The following BNC2 variants were observed in gnomAD, a reference collection of about 807,000 sequenced individuals.
BNC2 encodes the protein zinc finger protein basonuclin-2.
A neutral mutation model predicts 76.3 loss-of-function variants in BNC2; 20 were observed. The observed-to-expected ratio is 0.26, with a 90% confidence interval of 0.18 to 0.38. The LOEUF (loss-of-function observed/expected upper bound fraction) is 0.38. Among genes scored for constraint, BNC2 ranks in the 10% least tolerant of loss-of-function variants. The pLI, the probability that BNC2 is intolerant of heterozygous loss-of-function variation, is 1.00. For missense variants in BNC2, 1,382 were observed against 1,399.8 expected (o/e 0.99, Z 0.20); for synonymous variants, 582 against 514.8 (o/e 1.13, Z -1.77).
At chr9:16,605,705 T>C (rs10962506) in intron 3 of BNC2, among the ~76,000 whole-genome samples, 1 of 151,260 alleles carries the variant, frequency 6.6e-6, no homozygotes, top group Non-Finnish European at 1.5e-5. Flanking sequence ...ACCAGAGCCA[T>C]GAAAACAAGC....
chr9:16,697,720 C>CAA (rs749976080), intron 3 of BNC2, among the ~76,000 whole-genome samples: 14 of 107,536 alleles, frequency 1.3e-4, no homozygotes, highest in African/African-American at 4.5e-4. Flanking sequence ...ACTCGATTTC[C>CAA]AAAAAAAAAA....
chr9:16,857,242 T>G (rs776813818), intron 1 of BNC2, among the ~76,000 whole-genome samples: 1 of 151,400 alleles, frequency 6.6e-6, no homozygotes. Flanking sequence ...CTTTGGGAGG[T>G]TGAGGTGGGC....
intron 1 of BNC2, among the ~76,000 whole-genome samples, chr9:16,771,072 G>A (rs1245322155): frequency 1.3e-5 from 2 of 152,136 alleles, no homozygotes; most frequent in East Asian, 1.9e-4. Flanking sequence ...AGGAGGCTAA[G>A]GCACAAGAAT....
At chr9:16,607,583 T>G (rs145824582) in intron 3 of BNC2, among the ~76,000 whole-genome samples, 1 of 152,348 alleles carries the variant, frequency 6.6e-6, no homozygotes, top group East Asian at 1.9e-4. Flanking sequence ...GTTTTCCTAC[T>G]TTACCAATCT....
chr9:16,545,197 T>C lies in BNC2; in HGVS notation c.669+7333A>G, dbSNP rs188914237. On this transcript the variant is annotated intron_variant, in intron 5 of 6. Transcript: ENST00000380672. ...AATAGTAGCTGCTCTTTTTCTCTAC[T>C]GGTTAGAAAGGGATTCTTCTCTAAG... Among the ~76,000 whole-genome samples, 183 of 152,362 alleles carry C rather than the reference T, an allele frequency of 1.2e-3. 1 individual carries two copies. The highest frequency in any genetic ancestry group is 3.5e-3 in the African/African-American group (146 of 41,588).
At chr9:16,614,688 T>C (rs565846586) in intron 3 of BNC2, among the ~76,000 whole-genome samples, 1 of 152,010 alleles carries the variant, frequency 6.6e-6, no homozygotes, top group Non-Finnish European at 1.5e-5. Flanking sequence ...GGCTCATGCC[T>C]GTAATTCCAG....
At chr9:16,645,991 T>G (rs1821612027) in intron 3 of BNC2, among the ~76,000 whole-genome samples, 1 of 152,200 alleles carries the variant, frequency 6.6e-6, no homozygotes, top group Non-Finnish European at 1.5e-5. Flanking sequence ...CAAAGTTCCT[T>G]TCAGGTCATT....
chr9:16,695,190 CT>C (rs1395445269), intron 3 of BNC2, among the ~76,000 whole-genome samples: 1 of 152,126 alleles, frequency 6.6e-6, no homozygotes, highest in Non-Finnish European at 1.5e-5. Context: ...ATGAGAGTTT[CT>C]TTTTTGCTTT....
intron 1 of BNC2, among the ~76,000 whole-genome samples, chr9:16,762,816 A>C (rs1825588861): frequency 6.6e-6 from 1 of 152,212 alleles, no homozygotes; most frequent in South Asian, 2.1e-4. Context: ...CAGCACTGTA[A>C]TAAAATAACA....
intron 3 of BNC2, among the ~76,000 whole-genome samples, chr9:16,662,454 G>T (rs1325571153): frequency 6.6e-6 from 1 of 152,182 alleles, no homozygotes; most frequent in Non-Finnish European, 1.5e-5. Context: ...AAAATACCCG[G>T]GCTGAGCGTA....
chr9:16,666,653 C>A (rs926314529), intron 3 of BNC2, among the ~76,000 whole-genome samples: 2 of 152,226 alleles, frequency 1.3e-5, no homozygotes, highest in African/African-American at 4.8e-5. Flanking sequence ...TGGAGCTAAA[C>A]ACTTCAACAC....
intron 6 of BNC2, chr9:16,434,945 C>T (rs41305319): frequency 6.7e-4 from 313 of 470,266 alleles, no homozygotes; most frequent in Non-Finnish European, 1.2e-3. Flanking sequence ...TACATCTATC[C>T]CATTTCCTTC....
chr9:16,663,566 G>C (rs1822177446), intron 3 of BNC2, among the ~76,000 whole-genome samples: 1 of 152,052 alleles, frequency 6.6e-6, no homozygotes. Flanking sequence ...TGATATTCTT[G>C]GTACTAATAT....
In BNC2 at chr9:16,552,659, T is replaced by C. The variant is rs1454700445; in HGVS notation, c.540A>G (p.Gln180=). 1 of 1,614,086 alleles carries C rather than the reference T, an allele frequency of 6.2e-7. No individual in the cohort carries two copies. Among genetic ancestry groups the C allele is most frequent in the African/African-American group, 1.3e-5 (1 of 74,938 alleles). Residue 180 remains glutamine (Q), a synonymous_variant, in exon 5 of 7, where the codon CAA becomes CAG. Coordinates refer to ENST00000380672, the MANE Select transcript of BNC2 (RefSeq NM_017637.6). The part of the protein sequence containing the change: ...DISSLMLYGT[Q]AVPVRLKILL... ...GGATCTTTAGCCGCACAGGCACTGC[T>C]TGTGTCCCATAGAGCATCAGGCTGC... is the stretch of plus-strand genomic sequence containing the variant.
chr9:16,714,740 G>C (rs768211319), intron 3 of BNC2, among the ~76,000 whole-genome samples: 1 of 152,172 alleles, frequency 6.6e-6, no homozygotes, highest in African/African-American at 2.4e-5. Flanking sequence ...CATTTTAACA[G>C]GATGTTCTTG....
chr9:16,477,063 G>A (rs557468324), intron 5 of BNC2, among the ~76,000 whole-genome samples: 31 of 152,194 alleles, frequency 2.0e-4, no homozygotes, highest in African/African-American at 6.7e-4. Context: ...GAAAAGGAGA[G>A]GACAGGAAGA....
chr9:16,849,347 A>G (rs1819068629), intron 1 of BNC2, among the ~76,000 whole-genome samples: 1 of 145,434 alleles, frequency 6.9e-6, no homozygotes, highest in African/African-American at 2.5e-5. Flanking sequence ...GATTCCATGC[A>G]AAAGATTTTT....
chr9:16,552,479 C>T, intron 5 of BNC2, 51 bp downstream of exon 5: 9 of 1,526,326 alleles, frequency 5.9e-6, no homozygotes, highest in Non-Finnish European at 7.2e-6. Flanking sequence ...CTCACCCTTC[C>T]CCACCCACAG....
intron 5 of BNC2, among the ~76,000 whole-genome samples, chr9:16,441,187 C>T (rs1821121624): frequency 6.6e-6 from 1 of 152,142 alleles, no homozygotes; most frequent in Non-Finnish European, 1.5e-5. Context: ...GCCTATAGTC[C>T]TAGCTACTTG....
Sources: allele counts gnomAD v4.1 joint callset (sites outside exome capture counted in the v4.1 genomes callset), GRCh38; gene constraint gnomAD v4.1.1; transcripts MANE v1.5; gene names NCBI Gene and HGNC (gene_info 2026-07-23, HGNC 2026-07-21).